WNT7A: variants seen among roughly 807,000 people sequenced by gnomAD.
WNT7A encodes protein Wnt-7a.
WNT7A carries 16 observed loss-of-function variants against 28.2 expected under a neutral mutation model. That is an observed-to-expected ratio of 0.57 (90% CI 0.38 to 0.86). WNT7A has a LOEUF of 0.86. Among genes scored for constraint, WNT7A ranks in the 40% least tolerant of loss-of-function variants. The pLI is 0.00. For synonymous variants in WNT7A, 190 were observed against 195.9 expected, an observed-to-expected ratio of 0.97 and a Z score of 0.25; for missense variants, 411 against 489.7, an observed-to-expected ratio of 0.84 and a Z score of 1.52.
intron 1 of WNT7A, among the ~76,000 whole-genome samples, chr3:13,879,506 C>T (rs1043172449): frequency 6.6e-6 from 1 of 152,030 alleles, no homozygotes; most frequent in African/African-American, 2.4e-5. Flanking sequence ...TACCGGCTGT[C>T]TCTGGTCCTG....
chr3:13,854,815 A>C lies in WNT7A; in HGVS notation c.299-12T>G. 6.2e-7 allele frequency: 1 copy of C among 1,611,072 alleles called. No homozygotes were observed. On this transcript the variant is annotated splice_polypyrimidine_tract_variant and intron_variant, in intron 2 of 3. Coordinates refer to ENST00000285018, the MANE Select transcript of WNT7A (RefSeq NM_004625.4). ...AGCCTCCCGGCTCCCTGCGAGGAGG[A>C]GAGAAGAGGAGACAAGTTGGGGTCA...
chr3:13,874,871 C>A, intron 2 of WNT7A, 76 bp downstream of exon 2: 1 of 1,484,464 alleles, frequency 6.7e-7, no homozygotes, highest in Non-Finnish European at 9.3e-7. Flanking sequence ...TGAGGGAGTT[C>A]CAGAGGGCAC....
intron 2 of WNT7A, among the ~76,000 whole-genome samples, chr3:13,868,588 G>GAAAGAAAGAA (rs1246411957): frequency 7.1e-5 from 1 of 14,032 alleles, no homozygotes; most frequent in African/African-American, 3.7e-4. Flanking sequence ...GAGAGAGAGA[G>GAAAGAAAGAA]AGGGAGAAAG....
intron 3 of WNT7A, among the ~76,000 whole-genome samples, chr3:13,830,036 C>G (rs1252439420): frequency 6.6e-6 from 1 of 152,070 alleles, no homozygotes. Flanking sequence ...TTAAGCAGCC[C>G]CTGCAATGGC....
chr3:13,875,697 T>C (rs1301513108), intron 1 of WNT7A, among the ~76,000 whole-genome samples: 1 of 152,192 alleles, frequency 6.6e-6, no homozygotes, highest in Non-Finnish European at 1.5e-5. Context: ...TACTCTCATG[T>C]ATGTATATGT....
At chr3:13,834,977 TAAGA>T (rs1694342583) in intron 3 of WNT7A, among the ~76,000 whole-genome samples, 1 of 152,008 alleles carries the variant, frequency 6.6e-6, no homozygotes, top group Non-Finnish European at 1.5e-5. Context: ...CTGAGAGCAG[TAAGA>T]AAGAAAGCGA....
At position 13,818,041 on chromosome 3, in the gene WNT7A, C is replaced by A. The variant is rs1434133106; in HGVS notation, c.*903G>T. On this transcript the variant is annotated 3_prime_UTR_variant, in exon 4 of 4. Coordinates refer to ENST00000285018, the MANE Select transcript of WNT7A (RefSeq NM_004625.4). ...GACGCCACAACCAGGCATCGCCCCT[C>A]CTTACCCCTAAGTGAGTACCAGAAT... 2.0e-5 allele frequency: 3 copies of A among 152,308 alleles called. No homozygotes were observed. Among genetic ancestry groups the A allele is most frequent in the Admixed American group, 2.0e-4 (3 of 15,306 alleles). The allele number at this position is 152,308 out of a possible 1,614,324, so 9.4% of individuals were successfully genotyped here. A position where few individuals can be genotyped will look rare whatever the true frequency, so the allele number is the denominator to read the frequency against.
rs1553576785 is a variant in WNT7A at position 13,868,690 on chromosome 3, G to GAA, written c.298+6256_298+6257insTT. On this transcript the variant is annotated intron_variant, in intron 2 of 3. Coordinates refer to ENST00000285018, the MANE Select transcript of WNT7A (RefSeq NM_004625.4). Reference sequence around the variant, plus strand: ...AGTGGGAGAGAGGGGGAGAGAGAGAGAGAAAGAAAGAAAGAAAGAAAGAAA... The same window carrying GAA: ...AGTGGGAGAGAGGGGGAGAGAGAGAGAAAGAAAGAAAGAAAGAAAGAAAGAAA... Among the ~76,000 whole-genome samples the GAA allele has an allele frequency of 2.8e-3, 55 of 19,768 alleles. 1 individual carries two copies. The highest frequency in any genetic ancestry group is 8.6e-3 in the African/African-American group (46 of 5,354). 13.0% of individuals were successfully genotyped at this position (19,768 alleles called of 152,430 possible).
rs73814723 is a variant in WNT7A, at chr3:13,858,307, C to T, written c.299-3504G>A. 6.2e-3 allele frequency among the ~76,000 whole-genome samples: 941 copies of T among 152,322 alleles called. 16 individuals are homozygous for T. The highest frequency in any genetic ancestry group is 0.021 in the African/African-American group (859 of 41,584). On this transcript the variant is annotated intron_variant, in intron 2 of 3. Transcript: ENST00000285018. ...AGCCTGGCCTGTCCTCAAAGACTGG[C>T]CCCTCTCCCTTGGTTTCTCCCTGGG... is the stretch of plus-strand genomic sequence containing the variant.
chr3:13,830,336 G>T (rs994719478), intron 3 of WNT7A, among the ~76,000 whole-genome samples: 1 of 152,152 alleles, frequency 6.6e-6, no homozygotes, highest in African/African-American at 2.4e-5. Flanking sequence ...AGCCATGCCT[G>T]GGTCAGACTC....
intron 2 of WNT7A, among the ~76,000 whole-genome samples, chr3:13,869,834 C>G (rs1695004544): frequency 6.6e-6 from 1 of 152,208 alleles, no homozygotes; most frequent in Non-Finnish European, 1.5e-5. Flanking sequence ...ACACACCCCA[C>G]TCAAACAATC....
chr3:13,855,541 T>G (rs993160708), intron 2 of WNT7A, among the ~76,000 whole-genome samples: 2 of 152,128 alleles, frequency 1.3e-5, no homozygotes, highest in Admixed American at 6.5e-5. Context: ...TGTGAGTATC[T>G]CCAGTGGTAG....
chr3:13,828,011 G>C (rs1694223803), intron 3 of WNT7A, among the ~76,000 whole-genome samples: 1 of 152,082 alleles, frequency 6.6e-6, no homozygotes, highest in African/African-American at 2.4e-5. Flanking sequence ...CCTTATCTTG[G>C]TGCCTTGTTT....
At chr3:13,856,814 T>TGAA (rs756795058) in intron 2 of WNT7A, among the ~76,000 whole-genome samples, 1 of 140,074 alleles carries the variant, frequency 7.1e-6, no homozygotes, top group South Asian at 2.3e-4. Context: ...CGAAACTCCA[T>TGAA]GAAGAAGAAG....
chr3:13,843,201 G>A (rs988164909), intron 3 of WNT7A, among the ~76,000 whole-genome samples: 7 of 152,208 alleles, frequency 4.6e-5, no homozygotes, highest in Admixed American at 6.5e-5. Flanking sequence ...GGAATAAGAT[G>A]TAAGAATTAA....
At chr3:13,849,387 AC>A (rs1460315078) in intron 3 of WNT7A, among the ~76,000 whole-genome samples, 6 of 152,212 alleles carry the variant, frequency 3.9e-5, no homozygotes, top group Non-Finnish European at 5.9e-5. Context: ...GTTTGGACGT[AC>A]TTTTGTTTAT....
intron 2 of WNT7A, among the ~76,000 whole-genome samples, chr3:13,867,808 G>A (rs1358962347): frequency 6.6e-6 from 1 of 152,226 alleles, no homozygotes; most frequent in African/African-American, 2.4e-5. Context: ...ACTCGTGGAA[G>A]AGCGAACATG....
intron 3 of WNT7A, among the ~76,000 whole-genome samples, chr3:13,824,278 C>T (rs530256728): frequency 6.6e-6 from 1 of 152,212 alleles, no homozygotes; most frequent in Admixed American, 6.5e-5. Context: ...GCCCAGGCAG[C>T]CGCTAATCTA....
At chr3:13,843,831 C>T (rs1029260313) in intron 3 of WNT7A, among the ~76,000 whole-genome samples, 4 of 151,882 alleles carry the variant, frequency 2.6e-5, no homozygotes, top group Middle Eastern at 3.2e-3. Flanking sequence ...ACTGCAACCT[C>T]TGCCTCCTGG....
Sources: gnomAD v4.1 joint callset for allele counts (sites outside exome capture counted in the v4.1 genomes callset) on GRCh38, gnomAD v4.1.1 for gene constraint, MANE v1.5 for transcripts, NCBI Gene and HGNC (gene_info 2026-07-23, HGNC 2026-07-21) for gene names.